The following PDLIM5 variants were observed in gnomAD, a reference collection of about 807,000 sequenced individuals.
PDLIM5 encodes the protein PDZ and LIM domain protein 5.
A neutral mutation model predicts 64.2 loss-of-function variants in PDLIM5; 34 were observed. The observed-to-expected ratio is 0.53, with a 90% CI of 0.40 to 0.71. The LOEUF is 0.71. Among genes scored for constraint, PDLIM5 ranks in the 30% least tolerant of loss-of-function variants. PDLIM5 has a pLI of 0.00. For missense variants in PDLIM5, 683 were observed against 733.6 expected (o/e 0.93, Z 0.80); for synonymous variants, 253 against 269.1 (o/e 0.94, Z 0.59).
chr4:94,616,791 A>G (rs779643349), intron 7 of PDLIM5, among the ~76,000 whole-genome samples: 2 of 152,252 alleles, frequency 1.3e-5, no homozygotes, highest in Non-Finnish European at 2.9e-5. Flanking sequence ...ATAGGGAGCA[A>G]TATTTCAAGA....
At chr4:94,497,168 T>C (rs1036785955) in intron 2 of PDLIM5, among the ~76,000 whole-genome samples, 4 of 152,338 alleles carry the variant, frequency 2.6e-5, no homozygotes, top group Admixed American at 2.6e-4. Context: ...CTATGTATTA[T>C]CTATCTCAAA....
At chr4:94,608,056 T>G (rs1052226271) in intron 7 of PDLIM5, 21 of 1,525,720 alleles carry the variant, frequency 1.4e-5, no homozygotes, top group Non-Finnish European at 1.8e-5. Context: ...TCTGAAAACT[T>G]AGGTTTGACA....
intron 8 of PDLIM5, among the ~76,000 whole-genome samples, chr4:94,634,675 A>G (rs190312053): frequency 4.9e-4 from 74 of 152,322 alleles, no homozygotes; most frequent in African/African-American, 1.7e-3. Context: ...TGTTTAATCT[A>G]TGCATTGTAA....
intron 6 of PDLIM5, 52 bp from the exon 7 acceptor site, chr4:94,586,356 T>A (rs1736196168): frequency 1.0e-6 from 1 of 997,342 alleles, no homozygotes; most frequent in East Asian, 2.4e-5. Context: ...CTTAAGTGAT[T>A]TTGAAGTTAA....
At chr4:94,497,955 G>C (rs1442508002) in intron 2 of PDLIM5, among the ~76,000 whole-genome samples, 3 of 151,810 alleles carry the variant, frequency 2.0e-5, no homozygotes, top group Non-Finnish European at 4.4e-5. Context: ...GTTTTAACTT[G>C]TTCTGTGTCC....
intron 7 of PDLIM5, chr4:94,611,301 A>G (rs1265172089): frequency 2.9e-6 from 3 of 1,027,960 alleles, no homozygotes; most frequent in African/African-American, 3.2e-5. Flanking sequence ...AGAACATGCT[A>G]GAGTTCTAGG....
chr4:94,555,031 TTTG>T (rs55761969), intron 3 of PDLIM5, among the ~76,000 whole-genome samples: 58,199 of 151,870 alleles, frequency 0.38, 13,577 homozygotes, highest in South Asian at 0.68. Context: ...AGCTTTGATG[TTTG>T]TTAAGTTAGG....
intron 2 of PDLIM5, among the ~76,000 whole-genome samples, chr4:94,522,325 T>A (rs550309915): frequency 4.6e-5 from 7 of 152,328 alleles, no homozygotes; most frequent in South Asian, 2.1e-4. Context: ...GGTTTTTTTT[T>A]AAACTGTGAT....
At chr4:94,627,917 A>G (rs1739831804) in intron 8 of PDLIM5, among the ~76,000 whole-genome samples, 1 of 152,212 alleles carries the variant, frequency 6.6e-6, no homozygotes, top group African/African-American at 2.4e-5. Flanking sequence ...TTCTGGGCAG[A>G]TATCTTATCC....
At chr4:94,579,042 A>G (rs1203384165) in intron 5 of PDLIM5, among the ~76,000 whole-genome samples, 1 of 152,068 alleles carries the variant, frequency 6.6e-6, no homozygotes, top group Non-Finnish European at 1.5e-5. Flanking sequence ...ACTAAGAAAT[A>G]ATTAGCTGTT....
At chr4:94,659,882 C>T (rs1448265632) in intron 11 of PDLIM5, among the ~76,000 whole-genome samples, 2 of 143,412 alleles carry the variant, frequency 1.4e-5, no homozygotes, top group Admixed American at 1.5e-4. Flanking sequence ...TAGTGGGTTC[C>T]ACTAGAAAAA....
chr4:94,502,449 T>C (rs1207126765), intron 2 of PDLIM5, among the ~76,000 whole-genome samples: 1 of 152,230 alleles, frequency 6.6e-6, no homozygotes, highest in African/African-American at 2.4e-5. Flanking sequence ...GGAGTCACAC[T>C]GCCTGGGTTC....
chr4:94,556,892 A>C (rs1379352480), intron 3 of PDLIM5, among the ~76,000 whole-genome samples: 1 of 152,164 alleles, frequency 6.6e-6, no homozygotes, highest in Non-Finnish European at 1.5e-5. Flanking sequence ...TTTGCTGTGC[A>C]GGAGCTCTTT....
chr4:94,480,444 A>G (rs1358105473), intron 2 of PDLIM5, among the ~76,000 whole-genome samples: 1 of 152,194 alleles, frequency 6.6e-6, no homozygotes, highest in East Asian at 1.9e-4. Flanking sequence ...ATGGTGGGGC[A>G]ATCTAGAGAT....
At chr4:94,538,665 T>C (rs1731520009) in intron 3 of PDLIM5, among the ~76,000 whole-genome samples, 1 of 152,234 alleles carries the variant, frequency 6.6e-6, no homozygotes, top group South Asian at 2.1e-4. Context: ...AATTGGTTTA[T>C]AGCAAATACC....
chr4:94,481,414 G>T (rs1165665352), intron 2 of PDLIM5, among the ~76,000 whole-genome samples: 1 of 151,220 alleles, frequency 6.6e-6, no homozygotes, highest in Non-Finnish European at 1.5e-5. Flanking sequence ...CTCCTGAGTA[G>T]CTGGGATTAC....
At chr4:94,555,072 A>G (rs1733159341) in intron 3 of PDLIM5, among the ~76,000 whole-genome samples, 1 of 151,958 alleles carries the variant, frequency 6.6e-6, no homozygotes, top group South Asian at 2.1e-4. Context: ...TCTTTTTTTG[A>G]GATGGAGTCT....
intron 3 of PDLIM5, among the ~76,000 whole-genome samples, chr4:94,552,059 C>T (rs1732856798): frequency 6.6e-6 from 1 of 152,146 alleles, no homozygotes; most frequent in African/African-American, 2.4e-5. Context: ...TACTTAATCA[C>T]TATTCTCAAT....
chr4:94,586,138 C>G (rs564945927), intron 6 of PDLIM5, among the ~76,000 whole-genome samples: 171 of 152,096 alleles, frequency 1.1e-3, no homozygotes, highest in Non-Finnish European at 2.1e-3. Context: ...CCACTGTACT[C>G]CAGCCTGGGT....
Sources: gnomAD v4.1 joint callset for allele counts (sites outside exome capture counted in the v4.1 genomes callset) on GRCh38, gnomAD v4.1.1 for gene constraint, MANE v1.5 for transcripts, NCBI Gene and HGNC (gene_info 2026-07-23, HGNC 2026-07-21) for gene names.